PPP2R2B: variants seen among roughly 807,000 people sequenced by gnomAD.
PPP2R2B encodes serine/threonine-protein phosphatase 2A 55 kDa regulatory subunit B beta isoform.
PPP2R2B carries 5 observed loss-of-function variants against 46.0 expected under a neutral mutation model. That is an observed-to-expected ratio of 0.11 (90% confidence interval 0.06 to 0.23). PPP2R2B has a LOEUF of 0.23. Among genes scored for constraint, PPP2R2B ranks in the 10% least tolerant of loss-of-function variants. PPP2R2B has a pLI of 1.00. For synonymous variants in PPP2R2B, 215 were observed against 206.7 expected, an observed-to-expected ratio of 1.04 and a Z score of -0.34; for missense variants, 367 against 575.0, an observed-to-expected ratio of 0.64 and a Z score of 3.70.
intron 7 of PPP2R2B, among the ~76,000 whole-genome samples, chr5:146,632,587 A>G (rs1337098074): frequency 6.6e-6 from 1 of 151,944 alleles, no homozygotes; most frequent in Non-Finnish European, 1.5e-5. Context: ...TAAAGATTGT[A>G]TTCCAGTCAG....
At chr5:147,039,541 T>C (rs1280833111) in intron 1 of PPP2R2B, among the ~76,000 whole-genome samples, 1 of 152,144 alleles carries the variant, frequency 6.6e-6, no homozygotes, top group African/African-American at 2.4e-5. Context: ...GATCTGCAAC[T>C]GGGGCCTGAG....
chr5:146,636,965 AGCCTCT>A (rs1416984363), intron 7 of PPP2R2B, among the ~76,000 whole-genome samples: 3 of 152,314 alleles, frequency 2.0e-5, no homozygotes, highest in Non-Finnish European at 4.4e-5. Flanking sequence ...TCAACTGCTC[AGCCTCT>A]GCCTTCCCTG....
chr5:146,839,042 T>A (rs1030264284), intron 2 of PPP2R2B, among the ~76,000 whole-genome samples: 4 of 152,208 alleles, frequency 2.6e-5, no homozygotes, highest in Non-Finnish European at 5.9e-5. Flanking sequence ...ACATACTGAT[T>A]TCCAACCTTC....
chr5:146,826,478 C>G (rs766377891), intron 2 of PPP2R2B, among the ~76,000 whole-genome samples: 3 of 152,088 alleles, frequency 2.0e-5, no homozygotes, highest in Admixed American at 6.5e-5. Flanking sequence ...CTTTGTGAAT[C>G]TAACCCAAGA....
Position 146,589,705 on chromosome 5 carries a change from G to C in PPP2R2B, c.*242C>G. 4.1e-6 allele frequency: 2 copies of C among 486,974 alleles called. No individual in the cohort carries two copies. Among genetic ancestry groups the C allele is most frequent in the South Asian group, 6.1e-5 (2 of 32,888 alleles). The allele number at this position is 486,974 out of a possible 1,614,324, so 30.2% of individuals were successfully genotyped here. ...GCATCAGAAGTTCAAGTCAACTATG[G>C]AAGAATTACTGTTAGCTGGCAGCTT... On this transcript the variant is annotated 3_prime_UTR_variant, in exon 10 of 10. Coordinates refer to ENST00000394411, the MANE Select transcript of PPP2R2B (RefSeq NM_181675.4).
chr5:146,959,340 G>A (rs1752067036), intron 1 of PPP2R2B, among the ~76,000 whole-genome samples: 1 of 152,086 alleles, frequency 6.6e-6, no homozygotes, highest in South Asian at 2.1e-4. Context: ...AGGGGATTGA[G>A]ACATAATCCC....
At chr5:146,820,426 A>G (rs888506586) in intron 2 of PPP2R2B, among the ~76,000 whole-genome samples, 1 of 152,228 alleles carries the variant, frequency 6.6e-6, no homozygotes, top group African/African-American at 2.4e-5. Context: ...AGCAATTGGC[A>G]TGGATTCTCA....
chr5:147,020,995 GAC>G (rs1755235691), intron 1 of PPP2R2B, among the ~76,000 whole-genome samples: 1 of 152,098 alleles, frequency 6.6e-6, no homozygotes, highest in African/African-American at 2.4e-5. Flanking sequence ...GAGCTTCTTT[GAC>G]ACACAGAATT....
intron 6 of PPP2R2B, among the ~76,000 whole-genome samples, chr5:146,646,595 G>A (rs1322447204): frequency 6.6e-6 from 1 of 152,122 alleles, no homozygotes. Flanking sequence ...CTAAACACAA[G>A]GCCCTAGACC....
chr5:146,820,674 C>T (rs968270740), intron 2 of PPP2R2B, among the ~76,000 whole-genome samples: 1 of 152,168 alleles, frequency 6.6e-6, no homozygotes, highest in Non-Finnish European at 1.5e-5. Flanking sequence ...TCCAAATCCA[C>T]TTGCAACACT....
chr5:146,993,856 C>T (rs1383850243), intron 1 of PPP2R2B, among the ~76,000 whole-genome samples: 1 of 152,088 alleles, frequency 6.6e-6, no homozygotes, highest in African/African-American at 2.4e-5. Flanking sequence ...GATTCTGGCT[C>T]CCTACGTTAG....
At chr5:146,782,815 A>C (rs1442980424) in intron 2 of PPP2R2B, among the ~76,000 whole-genome samples, 1 of 37,358 alleles carries the variant, frequency 2.7e-5, no homozygotes, top group South Asian at 8.6e-4. Context: ...GGGAGAGGAA[A>C]CAGAAGAAAG....
intron 2 of PPP2R2B, among the ~76,000 whole-genome samples, chr5:146,702,715 T>C (rs1779613503): frequency 6.6e-6 from 1 of 152,214 alleles, no homozygotes; most frequent in Non-Finnish European, 1.5e-5. Flanking sequence ...AAGTTAATCA[T>C]ATCTGTGGGC....
At chr5:146,633,499 G>T (rs183194755) in intron 7 of PPP2R2B, among the ~76,000 whole-genome samples, 12 of 152,252 alleles carry the variant, frequency 7.9e-5, no homozygotes, top group Admixed American at 1.3e-4. Flanking sequence ...GCTCGTAGCC[G>T]CAGCAGCTGA....
intron 2 of PPP2R2B, among the ~76,000 whole-genome samples, chr5:146,722,787 G>T (rs1371522899): frequency 6.6e-6 from 1 of 152,212 alleles, no homozygotes; most frequent in Admixed American, 6.5e-5. Context: ...ATTATATACA[G>T]TACCAGTGTT....
Position 146,600,468 on chromosome 5 carries a change from AC to A in PPP2R2B, c.791-9del. ...CTTCCGGCTCTTCAAAAACTGCAGA[AC>A]AAAAGCAAAACAAGACAAATTTAGC... is the stretch of plus-strand genomic sequence containing the variant. On this transcript the variant is annotated splice_polypyrimidine_tract_variant and intron_variant, in intron 7 of 9. Transcript: ENST00000394411. The A allele has an allele frequency of 6.2e-7, 1 of 1,613,390 alleles. No individual in the cohort carries two copies.
At chr5:146,653,353 T>C (rs563727492) in intron 5 of PPP2R2B, among the ~76,000 whole-genome samples, 1 of 152,254 alleles carries the variant, frequency 6.6e-6, no homozygotes, top group East Asian at 1.9e-4. Context: ...TTCATAGTAG[T>C]GTGGTAGTTA....
At chr5:146,801,891 G>T (rs757689344) in intron 2 of PPP2R2B, among the ~76,000 whole-genome samples, 14 of 152,210 alleles carry the variant, frequency 9.2e-5, no homozygotes, top group Non-Finnish European at 1.5e-4. Flanking sequence ...ATTCGAAGAT[G>T]AGTTAGTGCT....
Position 146,667,440 on chromosome 5 carries a change from TA to T in PPP2R2B, c.448-16717del, listed in dbSNP as rs1017744487. ...GAGTATCTGAGAAAAGAAGCAGAAA[TA>T]AGACTCTATAGAATAAAAAGATGCC... is the stretch of plus-strand genomic sequence containing the variant. On this transcript the variant is annotated intron_variant, in intron 5 of 9. Transcript: ENST00000394411. Among the ~76,000 whole-genome samples the T allele has an allele frequency of 3.3e-5, 5 of 149,382 alleles. No individual in the cohort carries two copies. The East Asian group carries it at 9.8e-4, about 29-fold the overall frequency.
Sources: allele counts gnomAD v4.1 joint callset (sites outside exome capture counted in the v4.1 genomes callset), GRCh38; gene constraint gnomAD v4.1.1; transcripts MANE v1.5; gene names NCBI Gene and HGNC (gene_info 2026-07-23, HGNC 2026-07-21).